The following EP300 variants were observed in gnomAD, a reference collection of about 807,000 sequenced individuals.
EP300 encodes EP300 lysine acetyltransferase.
A neutral mutation model predicts 264.0 loss-of-function variants in EP300; 31 were observed. That is an observed-to-expected ratio of 0.12 (90% CI 0.09 to 0.16). The LOEUF is 0.16. Among genes scored for constraint, EP300 ranks in the 10% least tolerant of loss-of-function variants. The pLI is 1.00. For synonymous variants in EP300, 1,340 were observed against 1,045.4 expected (o/e 1.28, Z -5.44); for missense variants, 2,766 against 3,052.9 (o/e 0.91, Z 2.21).
intron 16 of EP300, among the ~76,000 whole-genome samples, chr22:41,152,770 G>GT (rs5845489): frequency 1 from 152,161 of 152,168 alleles, 76,077 homozygotes; most frequent in Middle Eastern, 1. Flanking sequence ...TTTCTTTTTT[G>GT]TTTGGAATCG....
chr22:41,163,031 CT>C (rs1055286475), intron 21 of EP300, among the ~76,000 whole-genome samples: 46 of 152,080 alleles, frequency 3.0e-4, no homozygotes, highest in African/African-American at 1.1e-3. Flanking sequence ...GCAGTGAGGC[CT>C]TTTAGATCAT....
At chr22:41,139,151 G>T (rs575648505) in intron 8 of EP300, among the ~76,000 whole-genome samples, 1 of 151,922 alleles carries the variant, frequency 6.6e-6, no homozygotes, top group Admixed American at 6.6e-5. Context: ...ATGGGGTTTC[G>T]CCGTGTTGGC....
chr22:41,138,678 G>A (rs1192967147), intron 8 of EP300, among the ~76,000 whole-genome samples: 1 of 152,194 alleles, frequency 6.6e-6, no homozygotes, highest in Non-Finnish European at 1.5e-5. Context: ...TCATAAAAAG[G>A]TAGAGCTTGG....
intron 8 of EP300, among the ~76,000 whole-genome samples, chr22:41,139,033 A>G (rs542231782): frequency 1.3e-5 from 2 of 151,000 alleles, no homozygotes; most frequent in South Asian, 4.2e-4. Context: ...GGCTACTGCA[A>G]CCTCCCGTCT....
chr22:41,167,277 G>T (rs773152394), intron 23 of EP300, among the ~76,000 whole-genome samples: 6 of 151,908 alleles, frequency 3.9e-5, no homozygotes, highest in Non-Finnish European at 8.8e-5. Flanking sequence ...GATTACAGGC[G>T]TGAACCACCA....
rs573718617 is a variant in EP300, at chr22:41,125,267, C to T, written c.730-597C>T. Among the ~76,000 whole-genome samples, 11 of 151,690 alleles carry T rather than the reference C, an allele frequency of 7.3e-5. No individual in the cohort carries two copies. The South Asian group carries it at 1.0e-3, about 14-fold the overall frequency. ...CCGACTAGCTGGGACTACAGGCGCCCGCCACCACACCCGGCTAATTTTTTG... is the reference window on the plus strand; with the variant it reads ...CCGACTAGCTGGGACTACAGGCGCCTGCCACCACACCCGGCTAATTTTTTG... On this transcript the variant is annotated intron_variant, in intron 2 of 30. Transcript: ENST00000263253.
intron 9 of EP300, 122 bp from the exon 10 acceptor site, chr22:41,140,926 C>A: frequency 1.1e-6 from 1 of 928,498 alleles, no homozygotes; most frequent in Non-Finnish European, 1.6e-6. Context: ...TCTAAATTGG[C>A]ACCAGTTCTT....
At chr22:41,151,710 G>T in intron 14 of EP300, 123 bp from the exon 15 acceptor site, 1 of 972,662 alleles carries the variant, frequency 1.0e-6, no homozygotes, top group Non-Finnish European at 1.6e-6. Context: ...AAAGCACCAT[G>T]AATAAATATA....
At position 41,179,888 on chromosome 22, in the gene EP300, AC is replaced by A; in HGVS notation, c.*933del. On this transcript the variant is annotated 3_prime_UTR_variant, in exon 31 of 31. Transcript: ENST00000263253. Reference sequence around the variant, plus strand: ...CTTACCCTACCCCCCACTCACACACACACACACACACACACACACACACACA... The same window carrying A: ...CTTACCCTACCCCCCACTCACACACAACACACACACACACACACACACACA... 1 of 62,928 alleles carries A rather than the reference AC, an allele frequency of 1.6e-5. No individual in the cohort carries two copies. Among genetic ancestry groups the A allele is most frequent in the Non-Finnish European group, 3.1e-5 (1 of 32,456 alleles). The allele number at this position is 62,928 out of a possible 1,614,324, so 3.9% of individuals were successfully genotyped here.
Position 41,177,019 on chromosome 22 carries a change from G to A in EP300, c.5308G>A (p.Gly1770Ser). The A allele has an allele frequency of 1.2e-6, 2 of 1,614,160 alleles. No homozygotes were observed. Among genetic ancestry groups the A allele is most frequent in the Non-Finnish European group, 1.7e-6 (2 of 1,180,052 alleles). The change falls in exon 31 of 31, where the codon GGT becomes AGT. Residue 1770 changes from glycine to serine, a missense_variant. By Grantham distance (56) the Gly-to-Ser change is moderately conservative. Coordinates refer to ENST00000263253, the MANE Select transcript of EP300 (RefSeq NM_001429.4). Reference protein sequence around the residue: ...KMKRVVQHTKGCKRKTNGGCP... With the variant: ...KMKRVVQHTKSCKRKTNGGCP... Reference sequence around the variant, plus strand: ...GAAGCGGGTTGTGCAGCATACCAAGGGTTGCAAACGGAAAACCAATGGCGG... The same window carrying A: ...GAAGCGGGTTGTGCAGCATACCAAGAGTTGCAAACGGAAAACCAATGGCGG...
At position 41,177,148 on chromosome 22, in the gene EP300, C is replaced by T. The variant is rs2145515870; in HGVS notation, c.5437C>T (p.Leu1813Phe). 6.2e-7 allele frequency: 1 copy of T among 1,614,106 alleles called. No homozygotes were observed. The change falls in exon 31 of 31, where the codon CTC becomes TTC. Residue 1813 changes from leucine to phenylalanine, a missense_variant. Transcript: ENST00000263253. Reference sequence around the variant, plus strand: ...GTTCTGCCTAAACATCAAGCAGAAGCTCCGGCAGCAACAGCTGCAGCACCG... The same window carrying T: ...GTTCTGCCTAAACATCAAGCAGAAGTTCCGGCAGCAACAGCTGCAGCACCG... The part of the protein sequence containing the change: ...VPFCLNIKQK[L>F]RQQQLQHRLQ...
chr22:41,092,744 G>A lies in EP300; in HGVS notation c.-261G>A, dbSNP rs943511523. On this transcript the variant is annotated 5_prime_UTR_variant, in exon 1 of 31. Transcript: ENST00000263253. ...GGAATTCGCCGCAGCGGACGCGCTCGGCGAATTTGTGCTCTTGTGCCCTCC... is the reference window on the plus strand; with the variant it reads ...GGAATTCGCCGCAGCGGACGCGCTCAGCGAATTTGTGCTCTTGTGCCCTCC... 8 of 608,772 alleles carry A rather than the reference G, an allele frequency of 1.3e-5. No individual in the cohort carries two copies. The highest frequency in any genetic ancestry group is 6.1e-5 in the Admixed American group (2 of 32,738). The allele number at this position is 608,772 out of a possible 1,614,324, so 37.7% of individuals were successfully genotyped here.
Position 41,178,181 on chromosome 22 carries a change from C to A in EP300, c.6470C>A (p.Pro2157His). 1 of 1,614,156 alleles carries A rather than the reference C, an allele frequency of 6.2e-7. No homozygotes were observed. The highest frequency in any genetic ancestry group is 8.5e-7 in the Non-Finnish European group (1 of 1,180,040). The change falls in exon 31 of 31, where the codon CCC becomes CAC. Residue 2157 changes from proline to histidine, a missense_variant. Physicochemically the swap from Pro to His is moderately conservative, Grantham distance 77 (BLOSUM62 -2). Transcript: ENST00000263253. ...QQQPQQQLQP[P>H]MGGMSPQAQQ... ...CAACCACAGCAGCAACTCCAGCCAC[C>A]CATGGGAGGGATGAGCCCCCAGGCT...
rs776266125 is a variant in EP300, at chr22:41,117,686, A to G, written c.594A>G (p.Ala198=). The change falls in exon 2 of 31, where the codon GCA becomes GCG. Residue 198 remains alanine, a synonymous_variant. Transcript: ENST00000263253. ...PNQVMNGSIG[A]GRGRQNMQYP... ...AAGTCATGAACGGTTCAATTGGAGC[A>G]GGCCGAGGGCGACAGAATATGCAGT... The G allele has an allele frequency of 1.2e-6, 2 of 1,614,236 alleles. No individual in the cohort carries two copies. The highest frequency in any genetic ancestry group is 1.7e-6 in the Non-Finnish European group (2 of 1,180,042).
At chr22:41,144,065 T>A in intron 10 of EP300, among the ~76,000 whole-genome samples, 1 of 152,206 alleles carries the variant, frequency 6.6e-6, no homozygotes, top group East Asian at 1.9e-4. Flanking sequence ...CTTATTAATT[T>A]TTTGCAAAGA....
chr22:41,109,971 G>A (rs1264205296), intron 1 of EP300, among the ~76,000 whole-genome samples: 1 of 151,418 alleles, frequency 6.6e-6, no homozygotes. Context: ...CTGCCACCAC[G>A]CCCAGCTAAT....
Position 41,173,570 on chromosome 22 carries a change from C to G in EP300, c.4618-53C>G, listed in dbSNP as rs1390438855. On this transcript the variant is annotated intron_variant, in intron 28 of 30. Coordinates refer to ENST00000263253, the MANE Select transcript of EP300 (RefSeq NM_001429.4). ...GAAGGGAGATATTCTGTGCTATTCC[C>G]AAATTACTTAACAAAAACCTTATTT... 3.1e-6 allele frequency: 5 copies of G among 1,595,230 alleles called. No homozygotes were observed. In the East Asian group the frequency reaches 1.1e-4, roughly 36 times the overall value.
intron 21 of EP300, 108 bp from the exon 22 acceptor site, chr22:41,163,945 T>C (rs1601629220): frequency 9.9e-7 from 1 of 1,010,156 alleles, no homozygotes; most frequent in East Asian, 2.4e-5. Flanking sequence ...TATTTTCAGT[T>C]CTTTGGTCAT....
At chr22:41,161,823 A>C (rs75876409) in intron 20 of EP300, among the ~76,000 whole-genome samples, 1 of 152,070 alleles carries the variant, frequency 6.6e-6, no homozygotes, top group East Asian at 1.9e-4. Context: ...AAAGCTGGTT[A>C]ATTTTTCTAA....
Sources: gnomAD v4.1 joint callset for allele counts (sites outside exome capture counted in the v4.1 genomes callset) on GRCh38, gnomAD v4.1.1 for gene constraint, MANE v1.5 for transcripts, NCBI Gene and HGNC (gene_info 2026-07-23, HGNC 2026-07-21) for gene names.